The following CCDC171 variants were observed in gnomAD, a reference collection of about 807,000 sequenced individuals.
The protein encoded by CCDC171 is coiled-coil domain-containing protein 171.
Under a neutral mutation model 168.2 loss-of-function variants are expected in CCDC171, and 177 were observed. The observed-to-expected ratio is 1.05, with a 90% CI of 0.93 to 1.19. The LOEUF is 1.19. Among genes scored for constraint, CCDC171 ranks in the 50% most tolerant of loss-of-function variants. The pLI is 0.00. For synonymous variants in CCDC171, 687 were observed against 540.8 expected, an observed-to-expected ratio of 1.27 and a Z score of -3.75; for missense variants, 1,991 against 1,539.0, an observed-to-expected ratio of 1.29 and a Z score of -4.91.
intron 21 of CCDC171, among the ~76,000 whole-genome samples, chr9:15,845,484 A>G (rs567742077): frequency 4.8e-4 from 73 of 152,174 alleles, no homozygotes; most frequent in Non-Finnish European, 9.4e-4. Context: ...GCAGTTCACC[A>G]GCATTTAGAG....
intron 18 of CCDC171, chr9:15,776,331 C>T (rs866715936): frequency 6.6e-6 from 1 of 152,066 alleles, no homozygotes. Context: ...AACAAAAGGA[C>T]TGTGTATTTT....
chr9:16,013,136 A>G (rs1159336570), intron 3 of CCDC171, among the ~76,000 whole-genome samples: 1 of 152,164 alleles, frequency 6.6e-6, no homozygotes, highest in Non-Finnish European at 1.5e-5. Context: ...TCTGATAGCT[A>G]TACTGTCTTT....
Position 15,874,563 on chromosome 9 carries a change from C to T in CCDC171, c.3500C>T (p.Ala1167Val), listed in dbSNP as rs541208170. The T allele has an allele frequency of 6.6e-5, 106 of 1,605,850 alleles. No homozygotes were observed. The highest frequency in any genetic ancestry group is 8.2e-5 in the Non-Finnish European group (97 of 1,176,372). The change falls in exon 24 of 26, where the codon GCG becomes GTG. Residue 1167 changes from alanine to valine, a missense_variant. By Grantham distance (64) the Ala-to-Val change is moderately conservative (BLOSUM62 0). Transcript: ENST00000380701. ...VRDQISLSWS[A>V]ASRNDFTLQL... ...GATCAGATCTCGCTGTCATGGTCTGCGGCAAGTAGGAATGACTTCACCCTA... is the reference window on the plus strand; with the variant it reads ...GATCAGATCTCGCTGTCATGGTCTGTGGCAAGTAGGAATGACTTCACCCTA...
At chr9:15,980,348 A>C (rs1564098680) in intron 3 of CCDC171, among the ~76,000 whole-genome samples, 1 of 152,272 alleles carries the variant, frequency 6.6e-6, no homozygotes, top group East Asian at 1.9e-4. Flanking sequence ...ACTAATTCTT[A>C]AGTTGGACTC....
chr9:15,814,788 A>G (rs1254847977), intron 21 of CCDC171, among the ~76,000 whole-genome samples: 1 of 152,182 alleles, frequency 6.6e-6, no homozygotes, highest in African/African-American at 2.4e-5. Context: ...TGAAAAAACA[A>G]ATCTTCATCA....
At chr9:15,795,336 T>G (rs758126007) in intron 21 of CCDC171, among the ~76,000 whole-genome samples, 1 of 152,198 alleles carries the variant, frequency 6.6e-6, no homozygotes, top group Admixed American at 6.5e-5. Flanking sequence ...GATGACCTAA[T>G]CACCTCTTAA....
At chr9:15,806,165 G>A (rs1056408965) in intron 21 of CCDC171, among the ~76,000 whole-genome samples, 1 of 152,034 alleles carries the variant, frequency 6.6e-6, no homozygotes, top group African/African-American at 2.4e-5. Context: ...ACAGCATACC[G>A]ATGGGTCTTG....
intron 11 of CCDC171, among the ~76,000 whole-genome samples, chr9:15,709,229 A>G (rs1298839359): frequency 6.6e-6 from 1 of 152,216 alleles, no homozygotes; most frequent in Non-Finnish European, 1.5e-5. Flanking sequence ...AAAACCCAGT[A>G]AGATTAACAG....
At chr9:15,786,586 C>G (rs1054817523) in intron 21 of CCDC171, among the ~76,000 whole-genome samples, 4 of 152,118 alleles carry the variant, frequency 2.6e-5, no homozygotes, top group African/African-American at 7.2e-5. Flanking sequence ...ATAGTGGTAT[C>G]TGTCAGGCCT....
intron 24 of CCDC171, among the ~76,000 whole-genome samples, chr9:15,917,576 C>G (rs1330565953): frequency 2.0e-5 from 3 of 151,528 alleles, no homozygotes; most frequent in African/African-American, 7.3e-5. Context: ...GAGTTATCCA[C>G]TATATAAAAT....
chr9:15,951,689 C>A (rs1286864657), intron 25 of CCDC171, among the ~76,000 whole-genome samples: 1 of 151,852 alleles, frequency 6.6e-6, no homozygotes, highest in Non-Finnish European at 1.5e-5. Flanking sequence ...TGATTTAAGT[C>A]CTTTGCCCAT....
intron 21 of CCDC171, among the ~76,000 whole-genome samples, chr9:15,809,417 TC>T (rs1403105321): frequency 7.9e-5 from 12 of 152,294 alleles, no homozygotes; most frequent in African/African-American, 2.9e-4. Context: ...CTCACTGACT[TC>T]AAGAATGAAG....
intron 18 of CCDC171, among the ~76,000 whole-genome samples, chr9:15,772,127 C>T (rs1343695421): frequency 2.0e-5 from 3 of 152,292 alleles, no homozygotes; most frequent in Non-Finnish European, 4.4e-5. Context: ...ATTCACCACG[C>T]CTGGCCTGCA....
intron 18 of CCDC171, among the ~76,000 whole-genome samples, chr9:15,753,547 C>T (rs556229027): frequency 1.3e-5 from 2 of 152,086 alleles, no homozygotes; most frequent in South Asian, 2.1e-4. Context: ...TGGCCCCTTA[C>T]AACACTTTCA....
At chr9:15,606,855 AAAG>A (rs1379449189) in intron 6 of CCDC171, among the ~76,000 whole-genome samples, 3 of 152,188 alleles carry the variant, frequency 2.0e-5, no homozygotes, top group African/African-American at 4.8e-5. Context: ...CTAGTGGAAA[AAAG>A]AAGAACTTCC....
the CCDC171 span, among the ~76,000 whole-genome samples, chr9:16,075,440 G>A: frequency 1.3e-5 from 2 of 151,952 alleles, no homozygotes; most frequent in African/African-American, 2.4e-5. Context: ...TGTCTGTTAC[G>A]ATAGATCTGC....
rs559212304 is a variant in CCDC171, at chr9:15,922,476, A to T, written c.3753+2054A>T. Among the ~76,000 whole-genome samples, 275 of 151,776 alleles carry T rather than the reference A, an allele frequency of 1.8e-3. 2 individuals are homozygous for T. The highest frequency in any genetic ancestry group is 6.3e-3 in the African/African-American group (263 of 41,514). ...CATGGGCTTTGGAGGTATATCCATT[A>T]GGAATACTATCAGGTGTAAATAACA... On this transcript the variant is annotated intron_variant, in intron 25 of 25. Coordinates refer to ENST00000380701, the MANE Select transcript of CCDC171 (RefSeq NM_173550.4).
At chr9:16,039,624 C>A (rs967455633), upstream of CCDC171, among the ~76,000 whole-genome samples, 6 of 152,170 alleles carry the variant, frequency 3.9e-5, no homozygotes, top group Admixed American at 3.9e-4. Context: ...TGTGCTACTC[C>A]AGTAGCCCCT....
At position 15,728,168 on chromosome 9, in the gene CCDC171, A is replaced by G. The variant is rs878883089; in HGVS notation, c.1860+132A>G. ...GGATGTTAATAATTCAATACCATTA[A>G]TTATGGCTTGTCTACAACTCAGTTT... On this transcript the variant is annotated intron_variant, in intron 15 of 25. Coordinates refer to ENST00000380701, the MANE Select transcript of CCDC171 (RefSeq NM_173550.4). The G allele has an allele frequency of 5.8e-6, 4 of 689,472 alleles. No individual in the cohort carries two copies. The South Asian group carries it at 9.5e-5, about 16-fold the overall frequency. The allele number at this position is 689,472 out of a possible 1,614,324, so 42.7% of individuals were successfully genotyped here.
Sources: gnomAD v4.1 joint callset for allele counts (sites outside exome capture counted in the v4.1 genomes callset) on GRCh38, gnomAD v4.1.1 for gene constraint, MANE v1.5 for transcripts, NCBI Gene and HGNC (gene_info 2026-07-23, HGNC 2026-07-21) for gene names.